The following DEFB107B variants were observed in gnomAD, a reference collection of about 807,000 sequenced individuals.
DEFB107B encodes defensin beta 107B.
intron 1 of DEFB107B, among the ~76,000 whole-genome samples, chr8:7,497,373 G>T (rs1377342472): frequency 7.2e-5 from 11 of 152,332 alleles, no homozygotes; most frequent in South Asian, 4.1e-4. Flanking sequence ...ATATGAAACA[G>T]TTTTCACAAG....
At chr8:7,508,039 C>T (rs1446478442) in intron 1 of DEFB107B, among the ~76,000 whole-genome samples, 4 of 33,622 alleles carry the variant, frequency 1.2e-4, no homozygotes, top group African/African-American at 3.0e-4. Context: ...GTTCTCTGTC[C>T]TGATTCAGTA....
At position 7,502,705 on chromosome 8, in the gene DEFB107B, A is replaced by AT. The variant is rs1208845196; in HGVS notation, c.71-6370dup. On this transcript the variant is annotated intron_variant, in intron 1 of 1. Transcript: ENST00000355602. ...TTTTAATGTGTCTTTTCTTATTTCT[A>AT]TTTTTTGTGGCTTAATTTTTCTATT... is the stretch of plus-strand genomic sequence containing the variant. 2.1e-3 allele frequency among the ~76,000 whole-genome samples: 44 copies of AT among 20,626 alleles called. 13 individuals carry two copies. Among genetic ancestry groups the AT allele is most frequent in the African/African-American group, 4.1e-3 (44 of 10,854 alleles). 13.5% of individuals were successfully genotyped at this position (20,626 alleles called of 152,430 possible). A position where few individuals can be genotyped will look rare whatever the true frequency, so the allele number is the denominator to read the frequency against.
chr8:7,496,608 C>A (rs1811755307), intron 1 of DEFB107B, among the ~76,000 whole-genome samples: 1 of 130,526 alleles, frequency 7.7e-6, no homozygotes, highest in Non-Finnish European at 1.6e-5. Context: ...CCAGCATATT[C>A]TAAAGTGATT....
At chr8:7,507,478 A>C (rs1198797820) in intron 1 of DEFB107B, among the ~76,000 whole-genome samples, 1 of 80,198 alleles carries the variant, frequency 1.2e-5, no homozygotes, top group Non-Finnish European at 2.4e-5. Context: ...AAGATGAATA[A>C]ACTTGTTATA....
intron 1 of DEFB107B, among the ~76,000 whole-genome samples, chr8:7,496,519 C>A (rs1379724936): frequency 7.2e-5 from 11 of 151,816 alleles, no homozygotes; most frequent in Non-Finnish European, 8.8e-5. Flanking sequence ...CCAGGATGGT[C>A]TTGATGTCCT....
chr8:7,496,393 A>T (rs12681807), intron 1 of DEFB107B, among the ~76,000 whole-genome samples: 1 of 104,462 alleles, frequency 9.6e-6, no homozygotes, highest in African/African-American at 3.7e-5. Flanking sequence ...TCTGCCTCCC[A>T]GGTTCATGCC....
chr8:7,497,382 A>G (rs2128882778), intron 1 of DEFB107B, among the ~76,000 whole-genome samples: 1 of 152,362 alleles, frequency 6.6e-6, no homozygotes, highest in African/African-American at 2.4e-5. Flanking sequence ...AGTTTTCACA[A>G]GTGCCATAAA....
chr8:7,507,455 T>C (rs1312585087), intron 1 of DEFB107B, among the ~76,000 whole-genome samples: 1 of 74,406 alleles, frequency 1.3e-5, no homozygotes, highest in Non-Finnish European at 2.6e-5. Context: ...ATAATAATAA[T>C]AGCATTGTTT....
intron 1 of DEFB107B, among the ~76,000 whole-genome samples, chr8:7,503,811 T>C (rs1585544930): frequency 4.2e-5 from 1 of 23,890 alleles, no homozygotes. Context: ...GATAGAGACA[T>C]CTGCTCCAGT....
intron 1 of DEFB107B, among the ~76,000 whole-genome samples, chr8:7,505,713 TG>T (rs1811933035): frequency 4.4e-5 from 1 of 22,704 alleles, no homozygotes; most frequent in East Asian, 3.1e-3. Flanking sequence ...GTTTAGACTC[TG>T]ATGGCCCCAC....
At position 7,496,290 on chromosome 8, in the gene DEFB107B, C is replaced by CTTTTTTTTTT. The variant is rs1171104972; in HGVS notation, c.70+305_70+314dup. Among the ~76,000 whole-genome samples the CTTTTTTTTTT allele has an allele frequency of 4.9e-4, 23 of 46,830 alleles. 2 individuals carry two copies. The East Asian group carries it at 5.5e-3, about 11-fold the overall frequency. 30.7% of individuals were successfully genotyped at this position (46,830 alleles called of 152,430 possible). A position where few individuals can be genotyped will look rare whatever the true frequency, so the allele number is the denominator to read the frequency against. ...ATCTGCAACGCAGGTTCAGCATATTCTTTTTTTTTTTTTTTTTTTTTTTTT... is the reference window on the plus strand; with the variant it reads ...ATCTGCAACGCAGGTTCAGCATATTCTTTTTTTTTTTTTTTTTTTTTTTTTTTTTTTTTTT... On this transcript the variant is annotated intron_variant, in intron 1 of 1. Coordinates refer to ENST00000355602, the MANE Select transcript of DEFB107B (RefSeq NM_001040705.2).
At chr8:7,508,077 A>ATGTGTG (rs1392493404) in intron 1 of DEFB107B, among the ~76,000 whole-genome samples, 305 of 13,386 alleles carry the variant, frequency 0.023, 1 homozygote, top group Admixed American at 0.076. Flanking sequence ...GTATATATAT[A>ATGTGTG]TATATATGTG....
intron 1 of DEFB107B, 111 bp downstream of exon 1, chr8:7,496,114 T>G (rs983873441): frequency 1.6e-5 from 1 of 63,880 alleles, no homozygotes; most frequent in Non-Finnish European, 3.1e-5. Context: ...AACCAGTCAC[T>G]GAAAATCTTT....
chr8:7,496,879 TTA>T (rs1811769795), intron 1 of DEFB107B, among the ~76,000 whole-genome samples: 1 of 104,498 alleles, frequency 9.6e-6, no homozygotes, highest in South Asian at 3.4e-4. Flanking sequence ...AACATCTTGC[TTA>T]CTATTCTCTT....
chr8:7,507,914 C>A (rs1811978652), intron 1 of DEFB107B, among the ~76,000 whole-genome samples: 3 of 146,530 alleles, frequency 2.0e-5, no homozygotes, highest in African/African-American at 8.1e-5. Flanking sequence ...AAACTGACTG[C>A]TTTGGGACAG....
intron 1 of DEFB107B, among the ~76,000 whole-genome samples, chr8:7,497,548 A>C (rs1263772445): frequency 1.3e-5 from 2 of 152,138 alleles, no homozygotes; most frequent in Non-Finnish European, 2.9e-5. Context: ...TCCCCATGAA[A>C]GTTTCAGTGA....
At chr8:7,507,887 C>G (rs1287986842) in intron 1 of DEFB107B, among the ~76,000 whole-genome samples, 2 of 146,612 alleles carry the variant, frequency 1.4e-5, no homozygotes, top group Non-Finnish European at 3.0e-5. Context: ...GGTTCTATGA[C>G]TAAAAGTCTG....
intron 1 of DEFB107B, among the ~76,000 whole-genome samples, chr8:7,496,385 T>C (rs12682205): frequency 0.18 from 16,396 of 92,772 alleles, 52 homozygotes; most frequent in African/African-American, 0.25. Flanking sequence ...CTGCAAGCTC[T>C]GCCTCCCAGG....
intron 1 of DEFB107B, among the ~76,000 whole-genome samples, chr8:7,497,277 G>A (rs1263569952): frequency 6.6e-6 from 1 of 152,220 alleles, no homozygotes; most frequent in East Asian, 1.9e-4. Context: ...AAAATAGGTT[G>A]CTTGTAGTGG....
Sources: allele counts gnomAD v4.1 joint callset (sites outside exome capture counted in the v4.1 genomes callset), GRCh38; gene constraint gnomAD v4.1.1; transcripts MANE v1.5; gene names NCBI Gene and HGNC (gene_info 2026-07-23, HGNC 2026-07-21).